Variants in TMTC2 observed in about 807,000 individuals in gnomAD.
The protein encoded by TMTC2 is protein O-mannosyl-transferase TMTC2.
TMTC2 carries 43 observed loss-of-function variants against 82.4 expected under a neutral mutation model. The observed-to-expected ratio is 0.52, with a 90% CI of 0.41 to 0.67. The LOEUF is 0.67. Ranked by LOEUF, TMTC2 falls within the 30% of genes least tolerant of loss-of-function variation. The probability of loss-of-function intolerance (pLI) is 0.00; values close to 1 mark genes in which losing one functional copy is unlikely to be tolerated. For synonymous variants in TMTC2, 408 were observed against 381.9 expected, an observed-to-expected ratio of 1.07 and a Z score of -0.80; for missense variants, 919 against 1,012.4, an observed-to-expected ratio of 0.91 and a Z score of 1.25.
At chr12:82,854,805 T>G (rs972831272) in intron 1 of TMTC2, among the ~76,000 whole-genome samples, 1 of 152,202 alleles carries the variant, frequency 6.6e-6, no homozygotes, top group South Asian at 2.1e-4. Context: ...TATTATTATA[T>G]GGATTAGCAT....
intron 8 of TMTC2, among the ~76,000 whole-genome samples, chr12:83,023,198 C>G (rs1311563738): frequency 1.3e-5 from 2 of 152,128 alleles, no homozygotes; most frequent in African/African-American, 4.8e-5. Context: ...ATATTGAATT[C>G]TCTCTTTATT....
At position 82,733,343 on chromosome 12, in the gene TMTC2, T is replaced by C. The variant is rs373964970; in HGVS notation, c.83+45674T>C. Among the ~76,000 whole-genome samples the C allele has an allele frequency of 1.2e-4, 18 of 152,328 alleles. 1 individual carries two copies. In the South Asian group the frequency reaches 3.7e-3, roughly 32 times the overall value. ...GAGTACCTGCTAGGTTACCAGGTAT[T>C]GTGATAAATGTTTGGGATTCAAAGA... On this transcript the variant is annotated intron_variant, in intron 1 of 11. Coordinates refer to ENST00000321196, the MANE Select transcript of TMTC2 (RefSeq NM_152588.3).
At chr12:83,066,905 C>T (rs984891924) in intron 11 of TMTC2, among the ~76,000 whole-genome samples, 3 of 151,836 alleles carry the variant, frequency 2.0e-5, no homozygotes, top group South Asian at 4.2e-4. Context: ...TTCTAATATT[C>T]TCATGGGGCA....
chr12:82,695,135 C>T (rs903841504), intron 1 of TMTC2, among the ~76,000 whole-genome samples: 3 of 152,178 alleles, frequency 2.0e-5, no homozygotes, highest in African/African-American at 7.2e-5. Flanking sequence ...TTCAAACAGC[C>T]ATGTTTCAAC....
intron 8 of TMTC2, among the ~76,000 whole-genome samples, chr12:82,989,425 G>T (rs138103953): frequency 6.6e-6 from 1 of 152,018 alleles, no homozygotes; most frequent in African/African-American, 2.4e-5. Flanking sequence ...TTTCTGTACT[G>T]ATGATTCTGT....
At chr12:82,749,136 A>G (rs1381847606) in intron 1 of TMTC2, among the ~76,000 whole-genome samples, 1 of 152,224 alleles carries the variant, frequency 6.6e-6, no homozygotes, top group African/African-American at 2.4e-5. Context: ...CACGTCAAAT[A>G]TGTGCATAGC....
chr12:83,129,578 C>A (rs1163784619), intron 11 of TMTC2, among the ~76,000 whole-genome samples: 1 of 152,114 alleles, frequency 6.6e-6, no homozygotes, highest in Non-Finnish European at 1.5e-5. Flanking sequence ...GTGGCATGAT[C>A]GACTTTACCA....
intron 11 of TMTC2, among the ~76,000 whole-genome samples, chr12:83,125,406 G>A (rs1325167953): frequency 6.6e-6 from 1 of 152,152 alleles, no homozygotes; most frequent in Non-Finnish European, 1.5e-5. Context: ...TTTGTATGAT[G>A]TTATGTTATT....
intron 1 of TMTC2, among the ~76,000 whole-genome samples, chr12:82,776,209 T>C (rs1877585756): frequency 6.6e-6 from 1 of 152,226 alleles, no homozygotes; most frequent in African/African-American, 2.4e-5. Flanking sequence ...TATGTTTAGG[T>C]CACTTTTTTC....
chr12:82,871,681 CTGTGTGTGTGTGTG>C lies in TMTC2; in HGVS notation c.654+14127_654+14140del, dbSNP rs10662218. On this transcript the variant is annotated intron_variant, in intron 2 of 11. Transcript: ENST00000321196. ...GTGGTGTCTAAGTAGCTCTGCTCAT[CTGTGTGTGTGTGTG>C]TGTGTGTGTGTGTGTGTGTGTGTGT... 1.7e-3 allele frequency among the ~76,000 whole-genome samples: 248 copies of C among 142,200 alleles called. 1 individual carries two copies. The highest frequency in any genetic ancestry group is 6.0e-3 in the African/African-American group (230 of 38,426). 93.3% of individuals were successfully genotyped at this position (142,200 alleles called of 152,430 possible). A position where few individuals can be genotyped will look rare whatever the true frequency, so the allele number is the denominator to read the frequency against.
chr12:82,903,871 G>T (rs1874160719), intron 3 of TMTC2, among the ~76,000 whole-genome samples: 1 of 152,182 alleles, frequency 6.6e-6, no homozygotes, highest in Non-Finnish European at 1.5e-5. Flanking sequence ...GTACATGCAT[G>T]AAATAAGGCA....
chr12:82,885,325 A>G (rs1463055653), intron 2 of TMTC2, among the ~76,000 whole-genome samples: 1 of 150,974 alleles, frequency 6.6e-6, no homozygotes, highest in Non-Finnish European at 1.5e-5. Flanking sequence ...AGTTTTTTTT[A>G]ATTTTGTTAT....
At chr12:82,739,024 T>C (rs984368708) in intron 1 of TMTC2, among the ~76,000 whole-genome samples, 4 of 151,808 alleles carry the variant, frequency 2.6e-5, no homozygotes, top group Non-Finnish European at 5.9e-5. Context: ...GGCGCACACC[T>C]GTAATCCCAG....
intron 2 of TMTC2, among the ~76,000 whole-genome samples, chr12:82,889,267 CAAAA>C (rs1273833107): frequency 1.1e-5 from 1 of 87,294 alleles, no homozygotes; most frequent in Non-Finnish European, 2.5e-5. Flanking sequence ...ACAGAGTCTC[CAAAA>C]AAAAAAAAAA....
In TMTC2 at chr12:82,699,409, A is replaced by T. The variant is rs556245470; in HGVS notation, c.83+11740A>T. On this transcript the variant is annotated intron_variant, in intron 1 of 11. Transcript: ENST00000321196. The stretch of plus-strand genomic sequence containing the variant: ...TCTGCGGAGTAAACCGACCAATTAC[A>T]GTGCATCTGGTATAAATAGTCTTTG... 8.5e-5 allele frequency among the ~76,000 whole-genome samples: 13 copies of T among 152,324 alleles called. 1 individual carries two copies. In the South Asian group the frequency reaches 1.9e-3, roughly 22 times the overall value.
chr12:83,044,795 C>G (rs1025416427), intron 9 of TMTC2, among the ~76,000 whole-genome samples: 15 of 152,170 alleles, frequency 9.9e-5, no homozygotes, highest in Non-Finnish European at 2.2e-4. Flanking sequence ...ATCATGACAC[C>G]TATTGCAGAT....
At chr12:83,049,796 C>T (rs542994156) in intron 9 of TMTC2, among the ~76,000 whole-genome samples, 3 of 152,304 alleles carry the variant, frequency 2.0e-5, no homozygotes, top group Admixed American at 2.0e-4. Context: ...ATAAGCCTTC[C>T]CTTTTCTCTG....
rs375368943 is a variant in TMTC2, at chr12:83,082,464, AC to A, written c.2331+20634del. Among the ~76,000 whole-genome samples the A allele has an allele frequency of 2.2e-4, 33 of 152,370 alleles. No homozygotes were observed. The East Asian group carries it at 3.3e-3, about 15-fold the overall frequency. On this transcript the variant is annotated intron_variant, in intron 11 of 11. Transcript: ENST00000321196. ...TGCAAGTCCTTAAAGCCCATTTTGA[AC>A]TAAATGTTTTGATAAAGTACTCGTG...
chr12:82,747,907 T>C (rs1875773569), intron 1 of TMTC2, among the ~76,000 whole-genome samples: 1 of 152,230 alleles, frequency 6.6e-6, no homozygotes, highest in African/African-American at 2.4e-5. Flanking sequence ...TGGGCTAGTA[T>C]ATAAGAAAAT....
Sources: gnomAD v4.1 joint callset for allele counts (sites outside exome capture counted in the v4.1 genomes callset) on GRCh38, gnomAD v4.1.1 for gene constraint, MANE v1.5 for transcripts, NCBI Gene and HGNC (gene_info 2026-07-23, HGNC 2026-07-21) for gene names.